ZFP91: variants seen among roughly 807,000 people sequenced by gnomAD.
ZFP91 encodes E3 ubiquitin-protein ligase ZFP91.
Under a neutral mutation model 63.5 loss-of-function variants are expected in ZFP91, and 7 were observed. The observed-to-expected ratio is 0.11, with a 90% CI of 0.06 to 0.21. The LOEUF (loss-of-function observed/expected upper bound fraction) is 0.21, where lower values mean the gene tolerates loss of function less well. ZFP91 is among the 10% of genes least tolerant of loss of function. ZFP91 has a pLI of 1.00. For synonymous variants in ZFP91, 330 were observed against 272.1 expected (o/e 1.21, Z -2.10); for missense variants, 628 against 736.6 (o/e 0.85, Z 1.71).
chr11:58,610,895 C>T, intron 4 of ZFP91, 55 bp from the exon 5 acceptor site: 1 of 1,530,810 alleles, frequency 6.5e-7, no homozygotes, highest in Non-Finnish European at 8.9e-7. Context: ...AATAAAATCC[C>T]CTCAGACATG....
At chr11:58,608,469 G>A (rs540855907) in intron 2 of ZFP91, among the ~76,000 whole-genome samples, 127 of 152,070 alleles carry the variant, frequency 8.4e-4, no homozygotes, top group South Asian at 2.5e-3. Context: ...TAGAGGACCT[G>A]TTTTCCCACA....
At chr11:58,590,457 G>A (rs996578859) in intron 2 of ZFP91, among the ~76,000 whole-genome samples, 13 of 152,052 alleles carry the variant, frequency 8.5e-5, no homozygotes, top group Admixed American at 1.3e-4. Flanking sequence ...TGGTTGTGGC[G>A]CAGTGTTCCA....
intron 5 of ZFP91, 72 bp from the exon 6 acceptor site, chr11:58,611,532 G>A: frequency 6.5e-7 from 1 of 1,539,094 alleles, no homozygotes; most frequent in South Asian, 1.3e-5. Context: ...ATAACTCTAA[G>A]CTTTAATTTG....
At chr11:58,584,612 T>C (rs1590609046) in intron 1 of ZFP91, among the ~76,000 whole-genome samples, 1 of 152,120 alleles carries the variant, frequency 6.6e-6, no homozygotes, top group East Asian at 1.9e-4. Flanking sequence ...CTATTTAAAT[T>C]TACATTAATC....
intron 2 of ZFP91, among the ~76,000 whole-genome samples, chr11:58,588,324 A>T (rs1486945249): frequency 1.3e-5 from 2 of 152,200 alleles, no homozygotes; most frequent in Non-Finnish European, 2.9e-5. Flanking sequence ...CTCAGCATTT[A>T]CTTAGATTAT....
rs1336286697 is a variant in ZFP91 at position 58,609,964 on chromosome 11, C to G, written c.505C>G (p.Arg169Gly). 12 of 1,614,026 alleles carry G rather than the reference C, an allele frequency of 7.4e-6. No individual in the cohort carries two copies. Among genetic ancestry groups the G allele is most frequent in the South Asian group, 2.2e-5 (2 of 91,090 alleles). ...VSRHRDTENT[R>G]SSRSKTGSLQ... ...TCGCCATCGTGATACAGAGAACACC[C>G]GAAGCTCTCGGTCCAAGACCGGTTC... The change falls in exon 3 of 11, where the codon CGA becomes GGA. Residue 169 changes from arginine to glycine, a missense_variant. Physicochemically the swap from Arg to Gly is moderately radical, Grantham distance 125 (BLOSUM62 -2). Around this residue, in one of 3 missense-constraint regions of ZFP91, gnomAD observed 437 missense variants for 380.3 expected, o/e 1.15. Transcript: ENST00000316059.
At chr11:58,602,687 C>T (rs1855510131) in intron 2 of ZFP91, among the ~76,000 whole-genome samples, 1 of 152,092 alleles carries the variant, frequency 6.6e-6, no homozygotes, top group Non-Finnish European at 1.5e-5. Flanking sequence ...GAAATAGGGG[C>T]TTTGTAGTAA....
intron 2 of ZFP91, among the ~76,000 whole-genome samples, chr11:58,599,317 T>A (rs1855456682): frequency 6.6e-6 from 1 of 152,080 alleles, no homozygotes; most frequent in African/African-American, 2.4e-5. Context: ...TTTTGGTGTA[T>A]GTACCTAGAA....
At chr11:58,586,648 T>C (rs1855214989) in intron 2 of ZFP91, among the ~76,000 whole-genome samples, 2 of 152,192 alleles carry the variant, frequency 1.3e-5, no homozygotes, top group African/African-American at 4.8e-5. Flanking sequence ...ATATAAGAAC[T>C]GTAACATTCA....
At chr11:58,587,505 A>G (rs1010124218) in intron 2 of ZFP91, among the ~76,000 whole-genome samples, 2 of 152,170 alleles carry the variant, frequency 1.3e-5, no homozygotes, top group African/African-American at 2.4e-5. Flanking sequence ...AAAAGGAAAA[A>G]TTACTTCAAA....
At chr11:58,585,534 C>T (rs1435383688) in intron 2 of ZFP91, among the ~76,000 whole-genome samples, 1 of 152,142 alleles carries the variant, frequency 6.6e-6, no homozygotes, top group Non-Finnish European at 1.5e-5. Flanking sequence ...AATTCAAACA[C>T]ACAGCATCCT....
chr11:58,590,991 T>G (rs956187427), intron 2 of ZFP91, among the ~76,000 whole-genome samples: 1 of 152,126 alleles, frequency 6.6e-6, no homozygotes, highest in Non-Finnish European at 1.5e-5. Context: ...ATGCACATAT[T>G]ATAAGACATA....
chr11:58,586,119 A>G (rs973545876), intron 2 of ZFP91, among the ~76,000 whole-genome samples: 2 of 152,148 alleles, frequency 1.3e-5, no homozygotes, highest in African/African-American at 2.4e-5. Context: ...TTTCTTATTC[A>G]GAGATCAATT....
chr11:58,615,133 T>G (rs1396910887), intron 9 of ZFP91, among the ~76,000 whole-genome samples: 2 of 152,218 alleles, frequency 1.3e-5, no homozygotes, highest in Non-Finnish European at 2.9e-5. Flanking sequence ...TCTCTGTGTA[T>G]TAAGGATACC....
intron 2 of ZFP91, among the ~76,000 whole-genome samples, chr11:58,594,928 A>G (rs1855371146): frequency 6.6e-6 from 1 of 152,188 alleles, no homozygotes; most frequent in South Asian, 2.1e-4. Flanking sequence ...TAATTCTTAC[A>G]GGTGTTTCAG....
chr11:58,610,886 A>G (rs966561849), intron 4 of ZFP91, 64 bp from the exon 5 acceptor site: 1 of 1,481,818 alleles, frequency 6.7e-7, no homozygotes, highest in Non-Finnish European at 9.2e-7. Flanking sequence ...AAATTACCAA[A>G]TAAAATCCCC....
At chr11:58,590,685 A>G (rs1438218131) in intron 2 of ZFP91, among the ~76,000 whole-genome samples, 1 of 152,180 alleles carries the variant, frequency 6.6e-6, no homozygotes, top group African/African-American at 2.4e-5. Context: ...TTTTCAGTGT[A>G]TAGGTCTTTC....
At chr11:58,582,852 AGG>A (rs34584506) in intron 1 of ZFP91, among the ~76,000 whole-genome samples, 7 of 152,286 alleles carry the variant, frequency 4.6e-5, no homozygotes, top group Non-Finnish European at 1.0e-4. Flanking sequence ...TTGTGGATGA[AGG>A]GGAAATAAAA....
intron 2 of ZFP91, among the ~76,000 whole-genome samples, chr11:58,588,685 ACTTC>A (rs1467772534): frequency 6.6e-6 from 1 of 152,094 alleles, no homozygotes; most frequent in Non-Finnish European, 1.5e-5. Flanking sequence ...GACTGTTTTT[ACTTC>A]CTTTACAGAT....
Sources: gnomAD v4.1 joint callset for allele counts (sites outside exome capture counted in the v4.1 genomes callset) on GRCh38, gnomAD v4.1.1 for gene constraint, gnomAD v4.1.1 regional missense constraint, MANE v1.5 for transcripts, NCBI Gene and HGNC (gene_info 2026-07-23, HGNC 2026-07-21) for gene names.